The following EWSR1 variants were observed in gnomAD, a reference collection of about 807,000 sequenced individuals.
EWSR1 encodes the protein RNA-binding protein EWS.
In EWSR1, 14 loss-of-function variants were observed where a neutral mutation model predicts 92.1. The observed-to-expected ratio is 0.15, with a 90% CI of 0.10 to 0.24. The LOEUF (loss-of-function observed/expected upper bound fraction) is 0.24. Ranked by LOEUF, EWSR1 falls within the 10% of genes least tolerant of loss-of-function variation. The probability of loss-of-function intolerance (pLI) is 1.00; values close to 1 mark genes in which losing one functional copy is unlikely to be tolerated. For missense variants in EWSR1, 637 were observed against 870.9 expected (o/e 0.73, Z 3.38); for synonymous variants, 303 against 292.9 (o/e 1.03, Z -0.35).
chr22:29,299,841 A>C lies in EWSR1; in HGVS notation c.1921A>C (p.Lys641Gln). The change falls in exon 16 of 17, where the codon AAA becomes CAA. Residue 641 changes from lysine (K) to glutamine (Q), a missense_variant. Transcript: ENST00000397938. The part of the protein sequence containing the change: ...GRRGGRGGPG[K>Q]MDKGEHRQER... ...AAGAGGAGGACGTGGAGGACCTGGA[A>C]AAATGGATAAGTAAGTGCTGGTGAA... is the stretch of plus-strand genomic sequence containing the variant. 1 of 1,545,764 alleles carries C rather than the reference A, an allele frequency of 6.5e-7. No individual in the cohort carries two copies. Among genetic ancestry groups the C allele is most frequent in the Non-Finnish European group, 8.7e-7 (1 of 1,143,934 alleles).
intron 1 of EWSR1, among the ~76,000 whole-genome samples, chr22:29,268,702 G>A (rs1263585768): frequency 6.6e-6 from 1 of 152,230 alleles, no homozygotes; most frequent in Non-Finnish European, 1.5e-5. Context: ...GGGAGGATTT[G>A]GCCAGGCCTC....
intron 6 of EWSR1, among the ~76,000 whole-genome samples, chr22:29,286,080 G>T (rs2060003870): frequency 6.6e-6 from 1 of 151,840 alleles, no homozygotes; most frequent in African/African-American, 2.4e-5. Context: ...ACCTCATGAT[G>T]TGCCTGCCTC....
chr22:29,271,213 T>C (rs761196884), intron 1 of EWSR1, among the ~76,000 whole-genome samples: 5 of 152,186 alleles, frequency 3.3e-5, no homozygotes, highest in Non-Finnish European at 5.9e-5. Context: ...GAACAAGATA[T>C]GTGTTCTTGT....
At chr22:29,280,618 T>A (rs890586182) in intron 5 of EWSR1, among the ~76,000 whole-genome samples, 1 of 151,964 alleles carries the variant, frequency 6.6e-6, no homozygotes, top group Non-Finnish European at 1.5e-5. Context: ...TAGATTAGTT[T>A]ATGGCAGCCC....
chr22:29,270,543 C>T (rs1328707064), intron 1 of EWSR1, among the ~76,000 whole-genome samples: 1 of 152,200 alleles, frequency 6.6e-6, no homozygotes, highest in Non-Finnish European at 1.5e-5. Context: ...TTGCTACCTT[C>T]TATAGCCCAC....
intron 5 of EWSR1, among the ~76,000 whole-genome samples, chr22:29,281,789 C>T (rs1248630770): frequency 6.6e-6 from 1 of 151,084 alleles, no homozygotes; most frequent in Admixed American, 6.6e-5. Flanking sequence ...GTTTCACTGT[C>T]TTAGCCAGGA....
chr22:29,298,189 A>T (rs1031437114), intron 13 of EWSR1, among the ~76,000 whole-genome samples: 4 of 152,214 alleles, frequency 2.6e-5, no homozygotes, highest in Admixed American at 6.5e-5. Context: ...GTGTCTGTAT[A>T]GACATGCCTA....
Position 29,287,013 on chromosome 22 carries a change from TAGCTATGGTCAACAAAGC to T in EWSR1, c.681_698del (p.Ser230_Gln235del), listed in dbSNP as rs1821644575. On this transcript the variant is annotated inframe_deletion, in exon 7 of 17. Coordinates refer to ENST00000397938, the MANE Select transcript of EWSR1 (RefSeq NM_005243.4). Reference sequence around the variant, plus strand: ...AACCGAGCAGCTATGGACAGCAGAGTAGCTATGGTCAACAAAGCAGCTATGGGCAGCAGCCTCCCACTA... The same window carrying T: ...AACCGAGCAGCTATGGACAGCAGAGTAGCTATGGGCAGCAGCCTCCCACTA... 2 of 1,613,070 alleles carry T rather than the reference TAGCTATGGTCAACAAAGC, an allele frequency of 1.2e-6. No individual in the cohort carries two copies. The highest frequency in any genetic ancestry group is 2.7e-5 in the African/African-American group (2 of 74,592).
At chr22:29,271,975 C>CT (rs2058713887) in intron 1 of EWSR1, among the ~76,000 whole-genome samples, 1 of 152,112 alleles carries the variant, frequency 6.6e-6, no homozygotes, top group Non-Finnish European at 1.5e-5. Flanking sequence ...AAAAGTATAC[C>CT]TGCCAAATCA....
At chr22:29,277,002 C>T (rs924800542) in intron 4 of EWSR1, 7 of 230,812 alleles carry the variant, frequency 3.0e-5, no homozygotes, top group African/African-American at 1.5e-4. Flanking sequence ...GTTGTAACAC[C>T]TCCTACAGGA....
intron 4 of EWSR1, among the ~76,000 whole-genome samples, chr22:29,274,688 CTGTTT>C (rs1476811231): frequency 1.3e-5 from 2 of 152,064 alleles, no homozygotes; most frequent in African/African-American, 4.8e-5. Flanking sequence ...ATTTTATTTT[CTGTTT>C]TAAGTGTTAT....
rs1426672113 is a variant in EWSR1, at chr22:29,287,888, A to G, written c.794-718A>G. Among the ~76,000 whole-genome samples, 8 of 152,142 alleles carry G rather than the reference A, an allele frequency of 5.3e-5. No individual in the cohort carries two copies. In the East Asian group the frequency reaches 1.5e-3, roughly 29 times the overall value. ...TGTTTGTTTATATCCATTAAGGGGAAAAATGGCCAGGCATGGTGGCTCACA... is the reference window on the plus strand; with the variant it reads ...TGTTTGTTTATATCCATTAAGGGGAGAAATGGCCAGGCATGGTGGCTCACA... On this transcript the variant is annotated intron_variant, in intron 7 of 16. Coordinates refer to ENST00000397938, the MANE Select transcript of EWSR1 (RefSeq NM_005243.4).
intron 8 of EWSR1, chr22:29,291,131 C>T (rs772380708): frequency 1.2e-5 from 3 of 242,384 alleles, no homozygotes; most frequent in Non-Finnish European, 2.4e-5. Context: ...TTAGGAAACC[C>T]TGGGCCTCAT....
intron 4 of EWSR1, chr22:29,274,578 TC>T (rs1268040142): frequency 5.1e-6 from 2 of 393,636 alleles, no homozygotes; most frequent in African/African-American, 2.0e-5. Flanking sequence ...TTTCCCCTGT[TC>T]CCTGAAGGAT....
chr22:29,274,497 C>G (rs2058948904), intron 4 of EWSR1: 4 of 537,128 alleles, frequency 7.4e-6, no homozygotes, highest in Non-Finnish European at 1.3e-5. Context: ...TTTAATATTA[C>G]TTTGTTTCAA....
In EWSR1 at chr22:29,300,478, G is replaced by T. The variant is rs1259171106; in HGVS notation, c.*317G>T. ...CTGTAACAATGTTCATGGTTGTGAT[G>T]TTTTTTTTTTTTTTTTAAATAAAAT... On this transcript the variant is annotated 3_prime_UTR_variant, in exon 17 of 17. Coordinates refer to ENST00000397938, the MANE Select transcript of EWSR1 (RefSeq NM_005243.4). 58 of 186,348 alleles carry T rather than the reference G, an allele frequency of 3.1e-4. No individual in the cohort carries two copies. The highest frequency in any genetic ancestry group is 1.8e-3 in the Middle Eastern group (1 of 570). The allele number at this position is 186,348 out of a possible 1,614,324, so 11.5% of individuals were successfully genotyped here.
At chr22:29,277,670 A>G (rs975709783) in intron 4 of EWSR1, 1 of 247,522 alleles carries the variant, frequency 4.0e-6, no homozygotes, top group African/African-American at 2.2e-5. Flanking sequence ...TTTGTTTACA[A>G]ACTTGTTAAG....
rs180739293 is a variant in EWSR1 at position 29,283,109 on chromosome 22, A to G, written c.581+552A>G. On this transcript the variant is annotated intron_variant, in intron 6 of 16. Coordinates refer to ENST00000397938, the MANE Select transcript of EWSR1 (RefSeq NM_005243.4). ...AATACAAAAACATTTTTACCACTCT[A>G]AGTTCTTTCTTTAAGTTTCTTCCTT... Among the ~76,000 whole-genome samples the G allele has an allele frequency of 1.2e-4, 19 of 152,262 alleles. No homozygotes were observed. The East Asian group carries it at 1.4e-3, about 11-fold the overall frequency.
Position 29,300,029 on chromosome 22 carries a change from G to T in EWSR1, c.1932-93G>T. 2 of 926,808 alleles carry T rather than the reference G, an allele frequency of 2.2e-6. 1 individual carries two copies. The highest frequency in any genetic ancestry group is 3.1e-5 in the South Asian group (2 of 63,980). 57.4% of individuals were successfully genotyped at this position (926,808 alleles called of 1,614,324 possible). ...TTCCTCACCCCTTCCCATTCTAACC[G>T]ATTGGGAGGAGCCAGGAAGGGGCAC... On this transcript the variant is annotated intron_variant, in intron 16 of 16. Coordinates refer to ENST00000397938, the MANE Select transcript of EWSR1 (RefSeq NM_005243.4).
Sources: allele counts gnomAD v4.1 joint callset (sites outside exome capture counted in the v4.1 genomes callset), GRCh38; gene constraint gnomAD v4.1.1; transcripts MANE v1.5; gene names NCBI Gene and HGNC (gene_info 2026-07-23, HGNC 2026-07-21).